The following WHRN variants were observed in gnomAD, a reference collection of about 807,000 sequenced individuals.
The protein encoded by WHRN is whirlin.
WHRN carries 41 observed loss-of-function variants against 68.3 expected under a neutral mutation model. The observed-to-expected ratio is 0.60, with a 90% CI of 0.47 to 0.78. WHRN has a LOEUF of 0.78. WHRN is among the 30% of genes least tolerant of loss of function. WHRN has a pLI of 0.00. For missense variants in WHRN, 1,243 were observed against 1,244.7 expected (o/e 1.00, Z 0.02); for synonymous variants, 560 against 561.3 (o/e 1.00, Z 0.03).
chr9:114,478,266 C>T (rs1020590769), intron 2 of WHRN: 19 of 662,686 alleles, frequency 2.9e-5, no homozygotes, highest in South Asian at 1.6e-4. Flanking sequence ...CCAGCCTGGG[C>T]GACAGAGTGA....
Position 114,479,680 on chromosome 9 carries a change from T to C in WHRN, c.619-909A>G, listed in dbSNP as rs190876628. Among the ~76,000 whole-genome samples the C allele has an allele frequency of 1.6e-4, 25 of 152,064 alleles. No individual in the cohort carries two copies. The East Asian group carries it at 3.7e-3, about 22-fold the overall frequency. Reference sequence around the variant, plus strand: ...CTCATGAAATCCTAATGAAATCCAATGGGGGAGGGGGACTGCAGAGGGGAA... The same window carrying C: ...CTCATGAAATCCTAATGAAATCCAACGGGGGAGGGGGACTGCAGAGGGGAA... On this transcript the variant is annotated intron_variant, in intron 1 of 11. Coordinates refer to ENST00000362057, the MANE Select transcript of WHRN (RefSeq NM_015404.4).
At chr9:114,502,256 G>C (rs1304940470) in intron 1 of WHRN, among the ~76,000 whole-genome samples, 4 of 152,154 alleles carry the variant, frequency 2.6e-5, no homozygotes, top group Non-Finnish European at 5.9e-5. Context: ...TGACAGTCAA[G>C]AGACAGAGCT....
chr9:114,491,178 C>T (rs769233212), intron 1 of WHRN, among the ~76,000 whole-genome samples: 2 of 152,120 alleles, frequency 1.3e-5, no homozygotes, highest in Admixed American at 6.5e-5. Flanking sequence ...TGAATAGATA[C>T]GTTGATGGGA....
At chr9:114,456,245 A>T (rs1839784398) in intron 3 of WHRN, among the ~76,000 whole-genome samples, 1 of 152,148 alleles carries the variant, frequency 6.6e-6, no homozygotes, top group Non-Finnish European at 1.5e-5. Flanking sequence ...GTAGAACTGT[A>T]CATCACAGAG....
intron 7 of WHRN, among the ~76,000 whole-genome samples, chr9:114,419,392 G>T (rs1836078951): frequency 6.6e-6 from 1 of 152,234 alleles, no homozygotes; most frequent in Non-Finnish European, 1.5e-5. Flanking sequence ...ATGGGCTAGG[G>T]TCTGTGCTGA....
chr9:114,439,127 C>T (rs1838150466), intron 3 of WHRN, among the ~76,000 whole-genome samples: 1 of 152,058 alleles, frequency 6.6e-6, no homozygotes, highest in African/African-American at 2.4e-5. Context: ...TATTTGGTTG[C>T]CTTTAAGGAG....
chr9:114,444,024 T>TC (rs1368258600), intron 3 of WHRN, among the ~76,000 whole-genome samples: 1 of 152,084 alleles, frequency 6.6e-6, no homozygotes, highest in Non-Finnish European at 1.5e-5. Flanking sequence ...GTATGGGGTT[T>TC]CCCCCCACCA....
At chr9:114,457,903 C>A in intron 3 of WHRN, among the ~76,000 whole-genome samples, 1 of 124,190 alleles carries the variant, frequency 8.1e-6, no homozygotes. Flanking sequence ...GCAACAGAGC[C>A]AGACTCTGTT....
intron 7 of WHRN, among the ~76,000 whole-genome samples, chr9:114,418,922 G>A (rs908179810): frequency 1.6e-4 from 24 of 152,130 alleles, no homozygotes; most frequent in Admixed American, 1.3e-3. Context: ...CAACTCCATC[G>A]TGGAAAGGAT....
At chr9:114,474,153 T>C (rs568881580) in intron 2 of WHRN, among the ~76,000 whole-genome samples, 1 of 152,198 alleles carries the variant, frequency 6.6e-6, no homozygotes, top group Admixed American at 6.5e-5. Context: ...ATCCTGAATA[T>C]GCACACAGGA....
rs750254212 is a variant in WHRN at position 114,423,451 on chromosome 9, T to A, written c.1489A>T (p.Arg497Trp). The A allele has an allele frequency of 9.3e-6, 15 of 1,614,048 alleles. No individual in the cohort carries two copies. The South Asian group carries it at 1.5e-4, about 17-fold the overall frequency. ...GCCTTCATGGACTCAATCTCACGCCTCAGCACCAGGTGGTCGAAGCGTTCT... is the reference window on the plus strand; with the variant it reads ...GCCTTCATGGACTCAATCTCACGCCACAGCACCAGGTGGTCGAAGCGTTCT... ...DLERFDHLVL[R>W]REIESMKARQ... The change falls in exon 7 of 12, where the codon AGG becomes TGG. Residue 497 changes from arginine (R) to tryptophan (W), a missense_variant. Coordinates refer to ENST00000362057, the MANE Select transcript of WHRN (RefSeq NM_015404.4).
chr9:114,471,706 G>C (rs1461203383), intron 2 of WHRN, among the ~76,000 whole-genome samples: 1 of 152,226 alleles, frequency 6.6e-6, no homozygotes, highest in South Asian at 2.1e-4. Context: ...ACCAGCCTAG[G>C]TTATCCATTC....
chr9:114,466,191 C>T (rs1840673254), intron 3 of WHRN, 76 bp downstream of exon 3: 2 of 1,604,530 alleles, frequency 1.2e-6, no homozygotes, highest in Admixed American at 1.7e-5. Context: ...GCTGATTGCT[C>T]TGCTGGAGGT....
At chr9:114,449,428 C>G (rs1262008077) in intron 3 of WHRN, among the ~76,000 whole-genome samples, 1 of 152,248 alleles carries the variant, frequency 6.6e-6, no homozygotes, top group Non-Finnish European at 1.5e-5. Context: ...TGCAAGTGAG[C>G]TCTGCTCTAA....
intron 9 of WHRN, among the ~76,000 whole-genome samples, chr9:114,405,662 G>T (rs761804159): frequency 6.6e-6 from 1 of 152,200 alleles, no homozygotes; most frequent in Non-Finnish European, 1.5e-5. Context: ...TCACTAGGCT[G>T]CGAGCGCCAG....
intron 8 of WHRN, among the ~76,000 whole-genome samples, chr9:114,407,581 G>C (rs572480477): frequency 6.6e-6 from 1 of 152,252 alleles, no homozygotes; most frequent in East Asian, 1.9e-4. Context: ...CATCCTAAAG[G>C]CTTTACTTAA....
At chr9:114,482,541 A>G (rs1842172822) in intron 1 of WHRN, among the ~76,000 whole-genome samples, 1 of 152,110 alleles carries the variant, frequency 6.6e-6, no homozygotes, top group Admixed American at 6.5e-5. Context: ...CGTGGGTTAA[A>G]TGAGACAATG....
intron 4 of WHRN, chr9:114,425,630 CAG>C (rs1554719390): frequency 0.025 from 5,690 of 232,044 alleles, 323 homozygotes; most frequent in African/African-American, 0.11. Context: ...CACACACACA[CAG>C]AGAGACACAG....
chr9:114,487,019 G>GA, intron 1 of WHRN, among the ~76,000 whole-genome samples: 1 of 100,748 alleles, frequency 9.9e-6, no homozygotes, highest in African/African-American at 4.1e-5. Context: ...AATATATATA[G>GA]TGTTTAGCAC....
Sources: allele counts gnomAD v4.1 joint callset (sites outside exome capture counted in the v4.1 genomes callset), GRCh38; gene constraint gnomAD v4.1.1; transcripts MANE v1.5; gene names NCBI Gene and HGNC (gene_info 2026-07-23, HGNC 2026-07-21).